Variants in PDGFD observed in about 807,000 individuals in gnomAD.
PDGFD encodes the protein platelet-derived growth factor D.
Under a neutral mutation model 44.7 loss-of-function variants are expected in PDGFD, and 30 were observed. The observed-to-expected ratio is 0.67, with a 90% confidence interval of 0.50 to 0.91. The LOEUF (loss-of-function observed/expected upper bound fraction) is 0.91, where lower values mean the gene tolerates loss of function less well. Among genes scored for constraint, PDGFD ranks in the 40% least tolerant of loss-of-function variants. The pLI is 0.00. For synonymous variants in PDGFD, 173 were observed against 168.4 expected, an observed-to-expected ratio of 1.03 and a Z score of -0.21; for missense variants, 445 against 457.8, an observed-to-expected ratio of 0.97 and a Z score of 0.25.
At chr11:104,150,772 G>C (rs1401056605) in intron 1 of PDGFD, among the ~76,000 whole-genome samples, 1 of 151,974 alleles carries the variant, frequency 6.6e-6, no homozygotes, top group Non-Finnish European at 1.5e-5. Flanking sequence ...ATCTCCCTCG[G>C]CATCTCTCTT....
In PDGFD at chr11:104,052,103, G is replaced by A. The variant is rs371049667; in HGVS notation, c.125-51848C>T. ...GTACTCTGGGTATTTTATTTAAGCCGAGCCATACAACACATGACCTTCTGT... is the reference window on the plus strand; with the variant it reads ...GTACTCTGGGTATTTTATTTAAGCCAAGCCATACAACACATGACCTTCTGT... On this transcript the variant is annotated intron_variant, in intron 1 of 6. Coordinates refer to ENST00000393158, the MANE Select transcript of PDGFD (RefSeq NM_025208.5). Among the ~76,000 whole-genome samples, 7 of 152,194 alleles carry A rather than the reference G, an allele frequency of 4.6e-5. No homozygotes were observed. In the East Asian group the frequency reaches 5.8e-4, roughly 13 times the overall value.
intron 1 of PDGFD, among the ~76,000 whole-genome samples, chr11:104,120,394 C>G (rs78942660): frequency 0.13 from 19,818 of 151,732 alleles, 1,429 homozygotes; most frequent in East Asian, 0.29. Context: ...CCTAGTTAAT[C>G]CTACTTAAAT....
At chr11:104,010,299 G>T (rs1035111969) in intron 1 of PDGFD, among the ~76,000 whole-genome samples, 1 of 151,452 alleles carries the variant, frequency 6.6e-6, no homozygotes, top group African/African-American at 2.4e-5. Context: ...GTAATCACTT[G>T]ATTATTCCCT....
chr11:104,051,236 G>T (rs1292284161), intron 1 of PDGFD, among the ~76,000 whole-genome samples: 1 of 152,130 alleles, frequency 6.6e-6, no homozygotes, highest in African/African-American at 2.4e-5. Context: ...ATGGAATTAG[G>T]TAGCATCTCA....
intron 1 of PDGFD, among the ~76,000 whole-genome samples, chr11:104,047,333 T>C (rs953298360): frequency 1.4e-5 from 2 of 147,726 alleles, no homozygotes; most frequent in African/African-American, 4.9e-5. Flanking sequence ...TCCACAATAG[T>C]TGAACTAACT....
rs370985021 is a variant in PDGFD at position 103,926,940 on chromosome 11, G to T, written c.959C>A (p.Ser320Ter). The T allele has an allele frequency of 3.7e-6, 6 of 1,614,078 alleles. No individual in the cohort carries two copies. Among genetic ancestry groups the T allele is most frequent in the Non-Finnish European group, 5.1e-6 (6 of 1,179,978 alleles). The part of the protein sequence containing the change: ...TVNWRSCTCN[S>*]GKTVKKYHEV... The stretch of plus-strand genomic sequence containing the variant: ...ATGATACTTTTTCACGGTTTTCCCT[G>T]AATTGCATGTGCAGGACCTCCAGTT... Residue 320 changes from serine to a stop codon, truncating the protein, a stop_gained, in exon 6 of 7, where the codon TCA (serine) becomes TAA (stop). Coordinates refer to ENST00000393158, the MANE Select transcript of PDGFD (RefSeq NM_025208.5). LOFTEE classifies it high-confidence loss of function.
intron 1 of PDGFD, among the ~76,000 whole-genome samples, chr11:104,064,047 C>T (rs1860751298): frequency 6.6e-6 from 1 of 152,200 alleles, no homozygotes; most frequent in South Asian, 2.1e-4. Context: ...TCCATGCAGA[C>T]CCTGACTCTG....
At chr11:103,974,204 C>A (rs1489977702) in intron 3 of PDGFD, among the ~76,000 whole-genome samples, 10 of 152,166 alleles carry the variant, frequency 6.6e-5, no homozygotes, top group Admixed American at 4.6e-4. Context: ...AATCTCAGTA[C>A]TTCTTCCAAT....
chr11:104,090,483 G>A (rs1391032476), intron 1 of PDGFD, among the ~76,000 whole-genome samples: 5 of 151,216 alleles, frequency 3.3e-5, no homozygotes, highest in Non-Finnish European at 7.4e-5. Flanking sequence ...ACAAAAATCA[G>A]CCAGGTGCGG....
At chr11:103,979,426 C>G (rs1168281346) in intron 3 of PDGFD, among the ~76,000 whole-genome samples, 2 of 152,014 alleles carry the variant, frequency 1.3e-5, no homozygotes, top group Non-Finnish European at 2.9e-5. Context: ...TCCTACAAAC[C>G]CTCAGTTGTA....
At chr11:104,103,462 G>GTGTGTAAATA (rs1041388346) in intron 1 of PDGFD, among the ~76,000 whole-genome samples, 1 of 133,262 alleles carries the variant, frequency 7.5e-6, no homozygotes, top group Non-Finnish European at 1.6e-5. Context: ...GTGTGTGTGT[G>GTGTGTAAATA]TATATATATA....
At chr11:103,943,030 C>A (rs1858610416) in intron 5 of PDGFD, among the ~76,000 whole-genome samples, 1 of 151,320 alleles carries the variant, frequency 6.6e-6, no homozygotes, top group Non-Finnish European at 1.5e-5. Flanking sequence ...TAGTCTGATG[C>A]AAAAAAAACA....
intron 3 of PDGFD, among the ~76,000 whole-genome samples, chr11:103,950,489 G>A (rs1858737127): frequency 6.6e-6 from 1 of 151,894 alleles, no homozygotes; most frequent in Non-Finnish European, 1.5e-5. Context: ...TTTAAACCTG[G>A]GAGGCGGAGG....
chr11:104,012,080 T>C (rs115165510), intron 1 of PDGFD, among the ~76,000 whole-genome samples: 1,649 of 152,242 alleles, frequency 0.011, 32 homozygotes, highest in African/African-American at 0.037. Context: ...ATGATGATGA[T>C]AAATAGCTAC....
intron 1 of PDGFD, among the ~76,000 whole-genome samples, chr11:104,130,730 TCA>T (rs1376528163): frequency 6.6e-6 from 1 of 152,172 alleles, no homozygotes; most frequent in Admixed American, 6.5e-5. Context: ...TCCAACATCC[TCA>T]GAGAGACCTT....
chr11:104,132,034 T>G (rs1861931089), intron 1 of PDGFD, among the ~76,000 whole-genome samples: 1 of 151,880 alleles, frequency 6.6e-6, no homozygotes, highest in South Asian at 2.1e-4. Flanking sequence ...CAGGAAATCT[T>G]GAGATTTACG....
At chr11:104,013,729 T>G (rs1859817863) in intron 1 of PDGFD, among the ~76,000 whole-genome samples, 1 of 152,086 alleles carries the variant, frequency 6.6e-6, no homozygotes, top group Non-Finnish European at 1.5e-5. Flanking sequence ...TTGACTTGTC[T>G]TTTTGTTTTT....
chr11:104,043,005 G>A (rs1276700257), intron 1 of PDGFD, among the ~76,000 whole-genome samples: 1 of 152,010 alleles, frequency 6.6e-6, no homozygotes, highest in Non-Finnish European at 1.5e-5. Flanking sequence ...CAAAAGTTAT[G>A]TCATTGGCCA....
chr11:104,152,027 G>A (rs957928627), intron 1 of PDGFD, among the ~76,000 whole-genome samples: 5 of 152,112 alleles, frequency 3.3e-5, no homozygotes, highest in African/African-American at 1.2e-4. Context: ...TTCAGCCAAA[G>A]TTAAGTTTTA....
Sources: gnomAD v4.1 joint callset for allele counts (sites outside exome capture counted in the v4.1 genomes callset) on GRCh38, gnomAD v4.1.1 for gene constraint, MANE v1.5 for transcripts, NCBI Gene and HGNC (gene_info 2026-07-23, HGNC 2026-07-21) for gene names.